Variants in HDAC7 observed in about 807,000 individuals in gnomAD.
HDAC7 encodes the protein histone deacetylase 7, also known as histone deacetylase 7A.
HDAC7 carries 26 observed loss-of-function variants against 115.5 expected under a neutral mutation model. The ratio of observed to expected loss-of-function variants is 0.23; its 90% CI spans 0.16 to 0.31. The LOEUF (loss-of-function observed/expected upper bound fraction) is 0.31. Among genes scored for constraint, HDAC7 ranks in the 10% least tolerant of loss-of-function variants. The pLI is 1.00. For synonymous variants in HDAC7, 564 were observed against 550.9 expected, an observed-to-expected ratio of 1.02 and a Z score of -0.33; for missense variants, 1,068 against 1,329.0, an observed-to-expected ratio of 0.80 and a Z score of 3.05.
intron 16 of HDAC7, 109 bp downstream of exon 16, chr12:47,791,150 G>A (rs1012985895): frequency 3.5e-5 from 39 of 1,106,642 alleles, no homozygotes; most frequent in Non-Finnish European, 4.8e-5. Context: ...ACCCTGTCTG[G>A]CAGAACCACA....
chr12:47,794,992 G>A (rs905611891), intron 11 of HDAC7, 59 bp from the exon 12 acceptor site: 370 of 1,524,008 alleles, frequency 2.4e-4, no homozygotes, highest in Non-Finnish European at 3.1e-4. Flanking sequence ...TGGGGTGGGA[G>A]GTGGTGGGCT....
intron 1 of HDAC7, among the ~76,000 whole-genome samples, chr12:47,802,961 G>A (rs1299744763): frequency 6.6e-6 from 1 of 152,156 alleles, no homozygotes; most frequent in African/African-American, 2.4e-5. Context: ...CCTGCTGCCT[G>A]TTTCCTCAGA....
intron 2 of HDAC7, among the ~76,000 whole-genome samples, chr12:47,800,132 C>T (rs1944091608): frequency 1.3e-5 from 2 of 152,186 alleles, no homozygotes. Context: ...ACATCTACAG[C>T]ACTTGTGCAT....
chr12:47,793,343 A>ACCCCCCC lies in HDAC7; in HGVS notation c.1678+25_1678+26insGGGGGGG. On this transcript the variant is annotated intron_variant, in intron 13 of 25. Coordinates refer to ENST00000080059, the MANE Select transcript of HDAC7 (RefSeq NM_015401.5). The surrounding 1 kb of genome is among the most constrained non-coding windows in gnomAD (Gnocchi z 4.5). Reference sequence around the variant, plus strand: ...CTCGTGCAGCCGAGCCCCTCCCTCCACCCGCCACCCTCCTCCCGGTCTCAC... The same window carrying ACCCCCCC: ...CTCGTGCAGCCGAGCCCCTCCCTCCACCCCCCCCCCGCCACCCTCCTCCCGGTCTCAC... 1.4e-6 allele frequency: 1 copy of ACCCCCCC among 693,378 alleles called. No homozygotes were observed. The highest frequency in any genetic ancestry group is 2.2e-6 in the Non-Finnish European group (1 of 448,742). 43.0% of individuals were successfully genotyped at this position (693,378 alleles called of 1,614,324 possible).
chr12:47,790,821 A>C, intron 16 of HDAC7: 1 of 228,042 alleles, frequency 4.4e-6, no homozygotes, highest in Non-Finnish European at 8.8e-6. Context: ...GGGATCGCCA[A>C]GGACACCGGA....
chr12:47,785,899 G>A lies in HDAC7; in HGVS notation c.2573-14C>T. 2 of 1,577,088 alleles carry A rather than the reference G, an allele frequency of 1.3e-6. No homozygotes were observed. The highest frequency in any genetic ancestry group is 1.7e-6 in the Non-Finnish European group (2 of 1,157,482). On this transcript the variant is annotated splice_polypyrimidine_tract_variant and intron_variant, in intron 22 of 25. Coordinates refer to ENST00000080059, the MANE Select transcript of HDAC7 (RefSeq NM_015401.5). ...TGTATCCAAAACCTAGAGGTTGGGAGGGGAGAAATGGGAGGGGCGGGAGTG... is the reference window on the plus strand; with the variant it reads ...TGTATCCAAAACCTAGAGGTTGGGAAGGGAGAAATGGGAGGGGCGGGAGTG...
chr12:47,784,345 G>T, intron 24 of HDAC7, 128 bp from the exon 25 acceptor site: 1 of 979,126 alleles, frequency 1.0e-6, no homozygotes, highest in Non-Finnish European at 1.5e-6. Context: ...CCTCCACTTA[G>T]GGTCGGCTCT....
intron 1 of HDAC7, among the ~76,000 whole-genome samples, chr12:47,811,850 A>G (rs1944682630): frequency 1.3e-5 from 2 of 152,242 alleles, no homozygotes; most frequent in Admixed American, 1.3e-4. Flanking sequence ...CCAAGGGCCT[A>G]TAACACAGAG....
intron 1 of HDAC7, among the ~76,000 whole-genome samples, chr12:47,818,817 GAGA>G (rs368958404): frequency 1.1e-3 from 167 of 152,342 alleles, no homozygotes; most frequent in African/African-American, 3.4e-3. Flanking sequence ...AGCCAGCGGG[GAGA>G]AGGAGTGAGG....
At chr12:47,791,817 C>A (rs1172554929) in intron 14 of HDAC7, 54 bp downstream of exon 14, 12 of 1,571,652 alleles carry the variant, frequency 7.6e-6, no homozygotes, top group African/African-American at 1.4e-5. Context: ...CACCCCTCCC[C>A]TCCCATGACT....
chr12:47,789,081 C>T lies in HDAC7; in HGVS notation c.2235+180G>A, dbSNP rs1424225376. 1.1e-5 allele frequency: 7 copies of T among 616,572 alleles called. No individual in the cohort carries two copies. In the African/African-American group the frequency reaches 1.3e-4, roughly 11 times the overall value. The allele number at this position is 616,572 out of a possible 1,614,324, so 38.2% of individuals were successfully genotyped here. ...GGCTGAATGCGTTCCCACACGCCATCCCCTCTAGGCCTCCCAACTGTGATG... is the reference window on the plus strand; with the variant it reads ...GGCTGAATGCGTTCCCACACGCCATTCCCTCTAGGCCTCCCAACTGTGATG... On this transcript the variant is annotated intron_variant, in intron 19 of 25. Transcript: ENST00000080059.
rs1037616237 is a variant in HDAC7 at position 47,819,692 on chromosome 12, C to G, written c.19+75G>C. ...CCGGAGCCGGAGCCGGGGCCAGGGCCGGAGGCCGAGCCTGGGCGGGCGACG... is the reference window on the plus strand; with the variant it reads ...CCGGAGCCGGAGCCGGGGCCAGGGCGGGAGGCCGAGCCTGGGCGGGCGACG... On this transcript the variant is annotated intron_variant, in intron 1 of 25. Transcript: ENST00000080059. 7.2e-4 allele frequency: 201 copies of G among 278,156 alleles called. 2 individuals carry two copies. The East Asian group carries it at 0.028, about 39-fold the overall frequency. The allele number at this position is 278,156 out of a possible 1,614,324, so 17.2% of individuals were successfully genotyped here.
Position 47,795,355 on chromosome 12 carries a change from G to T in HDAC7, c.1113C>A (p.Phe371Leu). 6.2e-7 allele frequency: 1 copy of T among 1,608,468 alleles called. No homozygotes were observed. ...TGGTCATTAAGGACTGGGCAAAGTG[G>T]AAGGGCAAGGGCCCAAGCCCGGGCA... ...LTVPGLGPLP[F>L]HFAQSLMTTE... The change falls in exon 11 of 26, where the codon TTC becomes TTA. Residue 371 changes from phenylalanine (F) to leucine (L), a missense_variant. Physicochemically the swap from Phe to Leu is conservative, Grantham distance 22. Around this residue, in one of 6 missense-constraint regions of HDAC7, gnomAD observed 618 missense variants for 701.5 expected, o/e 0.88. Coordinates refer to ENST00000080059, the MANE Select transcript of HDAC7 (RefSeq NM_015401.5). The surrounding 1 kb of genome is among the most constrained non-coding windows in gnomAD (Gnocchi z 4.3).
chr12:47,794,576 A>T (rs1331260882), intron 12 of HDAC7, among the ~76,000 whole-genome samples, 184 bp downstream of exon 12: 2 of 152,108 alleles, frequency 1.3e-5, no homozygotes. Flanking sequence ...TGGGTGTGTG[A>T]GTGTGCATGT....
intron 13 of HDAC7, chr12:47,792,635 A>G (rs990828610): frequency 1.1e-5 from 5 of 456,022 alleles, no homozygotes; most frequent in Middle Eastern, 3.3e-4. Context: ...TGCTCACACC[A>G]TGTGACCCAG....
chr12:47,791,321 G>C lies in HDAC7; in HGVS notation c.1934-13C>G. The C allele has an allele frequency of 6.3e-7, 1 of 1,577,688 alleles. No individual in the cohort carries two copies. Among genetic ancestry groups the C allele is most frequent in the Non-Finnish European group, 8.6e-7 (1 of 1,161,714 alleles). ...TGTGCCAGGAGCCCTGCGGGGAGAG[G>C]CCCAGCCCACGTCAGCGTGAATACT... On this transcript the variant is annotated splice_polypyrimidine_tract_variant and intron_variant, in intron 15 of 25. Transcript: ENST00000080059.
intron 1 of HDAC7, chr12:47,818,017 T>C (rs912885203): frequency 6.6e-6 from 1 of 152,262 alleles, no homozygotes; most frequent in African/African-American, 2.4e-5. Context: ...CATTCTCCTC[T>C]CCATAGTCAA....
At position 47,795,877 on chromosome 12, in the gene HDAC7, G is replaced by A; in HGVS notation, c.906+29C>T. On this transcript the variant is annotated intron_variant, in intron 9 of 25. Transcript: ENST00000080059. This position sits in a 1 kb window ranked among gnomAD's most constrained non-coding sequence, Gnocchi z 4.3. Reference sequence around the variant, plus strand: ...GAGTGAAAGAAGCTGGGGGGGCTTGGAGTGGGGGTGGGCACCCCAGCCACT... The same window carrying A: ...GAGTGAAAGAAGCTGGGGGGGCTTGAAGTGGGGGTGGGCACCCCAGCCACT... 2.1e-6 allele frequency: 3 copies of A among 1,421,344 alleles called. No individual in the cohort carries two copies. The highest frequency in any genetic ancestry group is 2.9e-6 in the Non-Finnish European group (3 of 1,035,488). 88.0% of individuals were successfully genotyped at this position (1,421,344 alleles called of 1,614,324 possible).
chr12:47,794,795 C>T lies in HDAC7; in HGVS notation c.1423G>A (p.Ala475Thr). The change falls in exon 12 of 26, where the codon GCC (alanine) becomes ACC (threonine). Residue 475 changes from alanine to threonine, a missense_variant. Ala to Thr is a moderately conservative substitution (Grantham distance 58). Coordinates refer to ENST00000080059, the MANE Select transcript of HDAC7 (RefSeq NM_015401.5). The part of the protein sequence containing the change: ...HRELGHGQPE[A>T]RGPAPLQQHP... ...TGCTGGAGAGGAGCGGGGCCTCTGGCCTCAGGCTGCCCATGGCCCAGCTCC... is the reference window on the plus strand; with the variant it reads ...TGCTGGAGAGGAGCGGGGCCTCTGGTCTCAGGCTGCCCATGGCCCAGCTCC... The T allele has an allele frequency of 6.2e-7, 1 of 1,611,228 alleles. No homozygotes were observed. Among genetic ancestry groups the T allele is most frequent in the Non-Finnish European group, 8.5e-7 (1 of 1,179,144 alleles).
Sources: gnomAD v4.1 joint callset for allele counts (sites outside exome capture counted in the v4.1 genomes callset) on GRCh38, gnomAD v4.1.1 for gene constraint, gnomAD v4.1.1 regional missense constraint, Gnocchi (gnomAD v3.1) non-coding constraint, MANE v1.5 for transcripts, NCBI Gene and HGNC (gene_info 2026-07-23, HGNC 2026-07-21) for gene names.